WDR72: variants seen among roughly 807,000 people sequenced by gnomAD.
WDR72 encodes the protein WD repeat-containing protein 72.
Under a neutral mutation model 124.2 loss-of-function variants are expected in WDR72, and 120 were observed. The observed-to-expected ratio is 0.97, with a 90% confidence interval of 0.83 to 1.12. WDR72 has a LOEUF of 1.12. Among genes scored for constraint, WDR72 ranks in the 50% most tolerant of loss-of-function variants. WDR72 has a pLI of 0.00. For missense variants in WDR72, 1,387 were observed against 1,278.8 expected (o/e 1.08, Z -1.29); for synonymous variants, 452 against 441.7 (o/e 1.02, Z -0.29).
At chr15:53,609,464 G>A in intron 17 of WDR72, 49 bp downstream of exon 17, 1 of 1,517,524 alleles carries the variant, frequency 6.6e-7, no homozygotes, top group Non-Finnish European at 9.1e-7. Context: ...ATGAACCACA[G>A]CAGCAAGGAA....
intron 18 of WDR72, among the ~76,000 whole-genome samples, chr15:53,592,368 G>C (rs1186661625): frequency 1.3e-5 from 2 of 151,928 alleles, no homozygotes; most frequent in African/African-American, 4.8e-5. Context: ...TTCCCTGTAG[G>C]GTAGTCACAA....
intron 18 of WDR72, among the ~76,000 whole-genome samples, chr15:53,546,214 C>T (rs1222197043): frequency 8.0e-5 from 12 of 150,130 alleles, no homozygotes; most frequent in East Asian, 2.0e-4. Context: ...CACATGCACA[C>T]GTATGTTTAT....
rs78899436 is a variant in WDR72, at chr15:53,651,429, G to C, written c.1962+14143C>G. ...CTCTCACTAGAAATGTAAGTGCCAT[G>C]GGCACCATGATCTTGTATCAAGAAG... is the stretch of plus-strand genomic sequence containing the variant. On this transcript the variant is annotated intron_variant, in intron 14 of 19. Transcript: ENST00000360509. Among the ~76,000 whole-genome samples the C allele has an allele frequency of 3.8e-3, 580 of 152,266 alleles. 2 individuals are homozygous for C. The highest frequency in any genetic ancestry group is 0.013 in the African/African-American group (556 of 41,554).
At position 53,712,767 on chromosome 15, in the gene WDR72, A is replaced by C. The variant is rs374043262; in HGVS notation, c.711+5T>G. 3.7e-5 allele frequency: 60 copies of C among 1,611,470 alleles called. No homozygotes were observed. The Middle Eastern group carries it at 1.2e-3, about 31-fold the overall frequency. On this transcript the variant is annotated splice_donor_5th_base_variant and intron_variant, in intron 7 of 19. Coordinates refer to ENST00000360509, the MANE Select transcript of WDR72 (RefSeq NM_182758.4). The stretch of plus-strand genomic sequence containing the variant: ...ACTGGTATTTATTATGTTACTTTAT[A>C]ATACCTTCCAACATTTAGAAAATAC...
intron 18 of WDR72, among the ~76,000 whole-genome samples, chr15:53,568,601 A>G (rs941847794): frequency 6.6e-6 from 1 of 152,024 alleles, no homozygotes; most frequent in African/African-American, 2.4e-5. Context: ...GGTGGTCACT[A>G]TTGATGTCTT....
At chr15:53,680,741 C>T (rs1005577405) in intron 13 of WDR72, among the ~76,000 whole-genome samples, 1 of 152,168 alleles carries the variant, frequency 6.6e-6, no homozygotes, top group Non-Finnish European at 1.5e-5. Context: ...TGTAAGATGG[C>T]ATCATGTGCC....
At chr15:53,531,390 C>G (rs1233547934) in intron 18 of WDR72, among the ~76,000 whole-genome samples, 1 of 152,080 alleles carries the variant, frequency 6.6e-6, no homozygotes, top group Non-Finnish European at 1.5e-5. Flanking sequence ...TTGGCATCAG[C>G]TGGTTCTTAC....
intron 8 of WDR72, 113 bp from the exon 9 acceptor site, chr15:53,711,066 GT>G: frequency 1.0e-6 from 1 of 976,010 alleles, no homozygotes; most frequent in Non-Finnish European, 1.6e-6. Flanking sequence ...CTAAACTCTA[GT>G]TAGAAATTGT....
At chr15:53,615,240 A>G (rs971881418) in intron 15 of WDR72, among the ~76,000 whole-genome samples, 186 bp downstream of exon 15, 3 of 152,026 alleles carry the variant, frequency 2.0e-5, no homozygotes, top group Non-Finnish European at 2.9e-5. Context: ...TTATTGCCAA[A>G]TTATACTCTA....
chr15:53,521,550 T>TATCA (rs1891796705), intron 19 of WDR72, among the ~76,000 whole-genome samples: 1 of 152,130 alleles, frequency 6.6e-6, no homozygotes, highest in African/African-American at 2.4e-5. Flanking sequence ...TAAGATTCTT[T>TATCA]ATCAGCACCT....
chr15:53,639,075 T>C (rs753057547), intron 14 of WDR72, among the ~76,000 whole-genome samples: 20 of 152,138 alleles, frequency 1.3e-4, no homozygotes, highest in Non-Finnish European at 2.9e-4. Context: ...TTGTTTCTTG[T>C]AATGGCAACA....
Position 53,568,825 on chromosome 15 carries a change from A to G in WDR72, c.3148+28254T>C, listed in dbSNP as rs143936772. 2.3e-3 allele frequency among the ~76,000 whole-genome samples: 349 copies of G among 152,128 alleles called. 1 individual carries two copies. Among genetic ancestry groups the G allele is most frequent in the African/African-American group, 8.1e-3 (338 of 41,538 alleles). Reference sequence around the variant, plus strand: ...TGAGTTAAAAACTCAGCTGCTATCAATGTAAACATACATTATAAGTATATA... The same window carrying G: ...TGAGTTAAAAACTCAGCTGCTATCAGTGTAAACATACATTATAAGTATATA... On this transcript the variant is annotated intron_variant, in intron 18 of 19. Transcript: ENST00000360509.
Position 53,551,115 on chromosome 15 carries a change from A to C in WDR72, c.3149-27793T>G, listed in dbSNP as rs528643842. ...AGGCAATGGGAAAGATTACAGGTTA[A>C]ATGGGTGTCACTTGAAAAGATTTGT... On this transcript the variant is annotated intron_variant, in intron 18 of 19. Transcript: ENST00000360509. Among the ~76,000 whole-genome samples the C allele has an allele frequency of 7.2e-5, 11 of 152,160 alleles. No homozygotes were observed. The South Asian group carries it at 2.1e-3, about 29-fold the overall frequency.
chr15:53,603,350 A>C (rs891321427), intron 17 of WDR72, among the ~76,000 whole-genome samples: 22 of 151,958 alleles, frequency 1.4e-4, no homozygotes, highest in Non-Finnish European at 2.8e-4. Context: ...AAATAATGAG[A>C]CATATATGAA....
At chr15:53,548,643 G>A (rs1893594510) in intron 18 of WDR72, among the ~76,000 whole-genome samples, 1 of 147,498 alleles carries the variant, frequency 6.8e-6, no homozygotes, top group African/African-American at 2.6e-5. Context: ...CATGAACTGT[G>A]CTTTTTTTTT....
At chr15:53,739,433 C>T (rs1021581780) in intron 1 of WDR72, among the ~76,000 whole-genome samples, 22 of 152,116 alleles carry the variant, frequency 1.4e-4, no homozygotes, top group African/African-American at 5.3e-4. Context: ...ATAAAAGATG[C>T]TGAGATGTCC....
rs566746335 is a variant in WDR72, at chr15:53,694,216, G to A, written c.1765+5534C>T. Among the ~76,000 whole-genome samples, 13 of 152,318 alleles carry A rather than the reference G, an allele frequency of 8.5e-5. No homozygotes were observed. The East Asian group carries it at 2.3e-3, about 27-fold the overall frequency. On this transcript the variant is annotated intron_variant, in intron 13 of 19. Coordinates refer to ENST00000360509, the MANE Select transcript of WDR72 (RefSeq NM_182758.4). ...GGCAGCTTTCCATGGTCTGTGCAGAGATCTGTAGGAGCTTGCTGAGTAAGG... is the reference window on the plus strand; with the variant it reads ...GGCAGCTTTCCATGGTCTGTGCAGAAATCTGTAGGAGCTTGCTGAGTAAGG...
chr15:53,599,882 G>A (rs1326242843), intron 17 of WDR72, among the ~76,000 whole-genome samples: 1 of 151,890 alleles, frequency 6.6e-6, no homozygotes, highest in Non-Finnish European at 1.5e-5. Context: ...TTACATAGTT[G>A]TCACCACAAA....
chr15:53,753,906 C>T (rs115712315), intron 1 of WDR72, among the ~76,000 whole-genome samples: 1,714 of 152,218 alleles, frequency 0.011, 34 homozygotes, highest in African/African-American at 0.039. Flanking sequence ...CCCCTGGCTA[C>T]GACTACATCC....
Sources: gnomAD v4.1 joint callset for allele counts (sites outside exome capture counted in the v4.1 genomes callset) on GRCh38, gnomAD v4.1.1 for gene constraint, MANE v1.5 for transcripts, NCBI Gene and HGNC (gene_info 2026-07-23, HGNC 2026-07-21) for gene names.